The following CNTN4 variants were observed in gnomAD, a reference collection of about 807,000 sequenced individuals.
The protein encoded by CNTN4 is contactin-4.
In CNTN4, 77 loss-of-function variants were observed where a neutral mutation model predicts 122.5. The observed-to-expected ratio is 0.63, with a 90% CI of 0.52 to 0.76. The LOEUF is 0.76. Among genes scored for constraint, CNTN4 ranks in the 30% least tolerant of loss-of-function variants. The pLI is 0.00. For missense variants in CNTN4, 1,256 were observed against 1,259.1 expected, an observed-to-expected ratio of 1.00 and a Z score of 0.04; for synonymous variants, 512 against 447.0, an observed-to-expected ratio of 1.15 and a Z score of -1.83.
chr3:2,349,280 C>T lies in CNTN4; in HGVS notation c.-89+10047C>T, dbSNP rs150030240. Among the ~76,000 whole-genome samples the T allele has an allele frequency of 3.5e-4, 53 of 152,142 alleles. No homozygotes were observed. The East Asian group carries it at 9.5e-3, about 27-fold the overall frequency. On this transcript the variant is annotated intron_variant, in intron 3 of 24. Coordinates refer to ENST00000418658, the MANE Select transcript of CNTN4 (RefSeq NM_175607.3). ...CATGACCTTCTGAAGCCAGCCTGCA[C>T]TACTGCCTTTTACATAAGTAAATTA...
intron 2 of CNTN4, among the ~76,000 whole-genome samples, chr3:2,187,191 T>A (rs2037312108): frequency 6.6e-6 from 1 of 152,228 alleles, no homozygotes; most frequent in Admixed American, 6.5e-5. Context: ...GGGAATCCTT[T>A]CCGCATTTCT....
intron 3 of CNTN4, among the ~76,000 whole-genome samples, chr3:2,517,675 A>G (rs900172302): frequency 2.0e-5 from 3 of 152,172 alleles, no homozygotes; most frequent in African/African-American, 4.8e-5. Context: ...CATGGACTCA[A>G]TGAGTCATAC....
At chr3:2,609,720 T>A (rs986644492) in intron 4 of CNTN4, among the ~76,000 whole-genome samples, 1 of 152,238 alleles carries the variant, frequency 6.6e-6, no homozygotes, top group African/African-American at 2.4e-5. Context: ...CTATGAAACG[T>A]CTTTCTAGGG....
At chr3:2,629,445 G>T in intron 4 of CNTN4, 1 of 376,824 alleles carries the variant, frequency 2.7e-6, no homozygotes, top group Middle Eastern at 3.6e-4. Flanking sequence ...ATTTTCCCAA[G>T]TCCGGTGATC....
chr3:2,143,859 G>A (rs567282586), intron 2 of CNTN4, among the ~76,000 whole-genome samples: 1 of 152,222 alleles, frequency 6.6e-6, no homozygotes, highest in South Asian at 2.1e-4. Flanking sequence ...CTAATTAAAG[G>A]TATCCATGAC....
chr3:2,212,156 G>C (rs1428318114), intron 2 of CNTN4, among the ~76,000 whole-genome samples: 1 of 151,526 alleles, frequency 6.6e-6, no homozygotes, highest in Admixed American at 6.6e-5. Flanking sequence ...TGTATTTTTT[G>C]TAGAGATGGG....
intron 3 of CNTN4, among the ~76,000 whole-genome samples, chr3:2,400,422 T>TACAC (rs1553640900): frequency 1.7e-5 from 1 of 59,356 alleles, no homozygotes; most frequent in African/African-American, 5.2e-5. Context: ...TATATATATA[T>TACAC]ATATACATAT....
intron 24 of CNTN4, among the ~76,000 whole-genome samples, chr3:3,055,498 C>G (rs1701700343): frequency 6.6e-6 from 1 of 152,086 alleles, no homozygotes; most frequent in Non-Finnish European, 1.5e-5. Flanking sequence ...TGAAGAACCC[C>G]CGAATGACAG....
chr3:2,883,027 G>A lies in CNTN4; in HGVS notation c.653-118G>A. 14 of 725,404 alleles carry A rather than the reference G, an allele frequency of 1.9e-5. No homozygotes were observed. In the South Asian group the frequency reaches 2.1e-4, roughly 11 times the overall value. 44.9% of individuals were successfully genotyped at this position (725,404 alleles called of 1,614,324 possible). Reference sequence around the variant, plus strand: ...GGAGATAGGACCTGCTTTAAATGAAGGAATTAATTGTGCACATAATGATGT... The same window carrying A: ...GGAGATAGGACCTGCTTTAAATGAAAGAATTAATTGTGCACATAATGATGT... On this transcript the variant is annotated intron_variant, in intron 8 of 24. Coordinates refer to ENST00000418658, the MANE Select transcript of CNTN4 (RefSeq NM_175607.3).
At chr3:2,365,199 G>T (rs564831937) in intron 3 of CNTN4, among the ~76,000 whole-genome samples, 2 of 152,102 alleles carry the variant, frequency 1.3e-5, no homozygotes, top group Non-Finnish European at 1.5e-5. Context: ...TCTCCTCAAT[G>T]CCAAGTTACC....
intron 2 of CNTN4, among the ~76,000 whole-genome samples, chr3:2,282,344 T>C (rs1243867788): frequency 1.3e-5 from 2 of 150,786 alleles, no homozygotes; most frequent in Non-Finnish European, 2.9e-5. Flanking sequence ...TAAGCATATA[T>C]AAATGACCTT....
chr3:2,388,979 G>A (rs1222484744), intron 3 of CNTN4, among the ~76,000 whole-genome samples: 1 of 151,886 alleles, frequency 6.6e-6, no homozygotes, highest in East Asian at 1.9e-4. Context: ...CCAACATGGT[G>A]AAACCCTGTC....
chr3:2,903,063 C>G, intron 12 of CNTN4, 58 bp downstream of exon 12: 2 of 1,550,584 alleles, frequency 1.3e-6, no homozygotes, highest in Non-Finnish European at 1.8e-6. Context: ...ACTAAACTAA[C>G]TTGTTCTTTG....
chr3:2,247,581 G>A (rs997960098), intron 2 of CNTN4, among the ~76,000 whole-genome samples: 1 of 151,824 alleles, frequency 6.6e-6, no homozygotes, highest in African/African-American at 2.4e-5. Flanking sequence ...TGTCATATTC[G>A]GGAACATTTT....
intron 15 of CNTN4, among the ~76,000 whole-genome samples, chr3:3,028,713 G>A (rs1326824080): frequency 6.6e-6 from 1 of 152,136 alleles, no homozygotes. Context: ...CTTAGGTAAA[G>A]TATCAATAAT....
At chr3:2,143,557 C>A (rs765352317) in intron 2 of CNTN4, among the ~76,000 whole-genome samples, 6 of 152,098 alleles carry the variant, frequency 3.9e-5, no homozygotes, top group Admixed American at 6.6e-5. Flanking sequence ...TAATTTTGAG[C>A]CTAGATCATC....
chr3:2,903,526 C>T (rs553260530), intron 12 of CNTN4, among the ~76,000 whole-genome samples: 1 of 152,320 alleles, frequency 6.6e-6, no homozygotes, highest in East Asian at 1.9e-4. Context: ...ACTCACCATC[C>T]TCCCGTCCTC....
chr3:2,883,157 A>C lies in CNTN4; in HGVS notation c.665A>C (p.Glu222Ala), dbSNP rs756231133. Residue 222 changes from glutamate (E) to alanine (A), a missense_variant, in exon 9 of 25, where the codon GAA becomes GCA. Coordinates refer to ENST00000418658, the MANE Select transcript of CNTN4 (RefSeq NM_175607.3). ...TATTTATTCACAGGAGTGATGGGTG[A>C]ATATGAGCCCAAAATAGAAGTGCAG... is the stretch of plus-strand genomic sequence containing the variant. Reference protein sequence around the residue: ...LILRNDGVMGEYEPKIEVQFP... With the variant: ...LILRNDGVMGAYEPKIEVQFP... 2.5e-6 allele frequency: 4 copies of C among 1,613,130 alleles called. No individual in the cohort carries two copies. In the South Asian group the frequency reaches 4.4e-5, roughly 18 times the overall value.
chr3:2,771,607 T>C (rs1465099273), intron 6 of CNTN4, among the ~76,000 whole-genome samples: 1 of 152,172 alleles, frequency 6.6e-6, no homozygotes, highest in Non-Finnish European at 1.5e-5. Flanking sequence ...ACATATTTTC[T>C]TCCAATTATG....
Sources: allele counts gnomAD v4.1 joint callset (sites outside exome capture counted in the v4.1 genomes callset), GRCh38; gene constraint gnomAD v4.1.1; transcripts MANE v1.5; gene names NCBI Gene and HGNC (gene_info 2026-07-23, HGNC 2026-07-21).